The following JAK2 variants were observed in gnomAD, a reference collection of about 807,000 sequenced individuals.
JAK2 encodes Janus kinase 2, also known as tyrosine-protein kinase JAK2.
JAK2 carries 86 observed loss-of-function variants against 139.3 expected under a neutral mutation model. That is an observed-to-expected ratio of 0.62 (90% confidence interval 0.52 to 0.74). The LOEUF (loss-of-function observed/expected upper bound fraction) is 0.74. Ranked by LOEUF, JAK2 falls within the 30% of genes least tolerant of loss-of-function variation. JAK2 has a pLI of 0.00. For synonymous variants in JAK2, 490 were observed against 437.7 expected (o/e 1.12, Z -1.49); for missense variants, 1,421 against 1,360.3 (o/e 1.04, Z -0.70).
At chr9:5,103,220 G>GAA (rs1821661603) in intron 22 of JAK2, among the ~76,000 whole-genome samples, 1 of 6,906 alleles carries the variant, frequency 1.4e-4, no homozygotes. Context: ...CAAAGGGAAA[G>GAA]CAAAAAAAAA....
Position 5,059,014 on chromosome 9 carries a change from G to A in JAK2, c.1056+3226G>A, listed in dbSNP as rs1188005837. Among the ~76,000 whole-genome samples, 14 of 152,010 alleles carry A rather than the reference G, an allele frequency of 9.2e-5. No individual in the cohort carries two copies. In the East Asian group the frequency reaches 1.7e-3, roughly 19 times the overall value. ...CTATGTTGCTTGTGTCCTTTGATGC[G>A]CAGATGTTTTAAAGTTTTAGCTAGT... is the stretch of plus-strand genomic sequence containing the variant. On this transcript the variant is annotated intron_variant, in intron 8 of 24. Coordinates refer to ENST00000381652, the MANE Select transcript of JAK2 (RefSeq NM_004972.4).
At chr9:5,114,585 A>G (rs1024794570) in intron 22 of JAK2, 18 of 491,548 alleles carry the variant, frequency 3.7e-5, no homozygotes, top group Non-Finnish European at 5.6e-5. Flanking sequence ...GCCCAAGGAC[A>G]TCTTGGTGCA....
chr9:5,068,189 A>C (rs982509966), intron 10 of JAK2, among the ~76,000 whole-genome samples: 15 of 146,862 alleles, frequency 1.0e-4, no homozygotes, highest in Non-Finnish European at 3.0e-5. Context: ...AAAAAAAAAA[A>C]CAAGAAAGGT....
At chr9:5,012,535 A>C (rs1455499260) in intron 2 of JAK2, among the ~76,000 whole-genome samples, 1 of 152,130 alleles carries the variant, frequency 6.6e-6, no homozygotes, top group Non-Finnish European at 1.5e-5. Flanking sequence ...GATTTTTCTG[A>C]ACTTCTCATT....
rs80215348 is a variant in JAK2 at position 5,071,508 on chromosome 9, A to G, written c.1642-984A>G. ...GGAAAAAGGCATAGAAATGATAAAT[A>G]TCCTCATTGACATTAAAACAGAATA... On this transcript the variant is annotated intron_variant, in intron 12 of 24. Transcript: ENST00000381652. Among the ~76,000 whole-genome samples the G allele has an allele frequency of 6.0e-3, 918 of 152,344 alleles. 39 individuals carry two copies. The highest frequency in any genetic ancestry group is 0.045 in the Admixed American group (686 of 15,300).
At chr9:5,038,930 G>A (rs1816286564) in intron 4 of JAK2, among the ~76,000 whole-genome samples, 1 of 151,898 alleles carries the variant, frequency 6.6e-6, no homozygotes, top group East Asian at 1.9e-4. Flanking sequence ...AAGAGACACA[G>A]AAAAAGTATT....
At chr9:5,006,468 T>C (rs1821308899) in intron 2 of JAK2, among the ~76,000 whole-genome samples, 1 of 152,232 alleles carries the variant, frequency 6.6e-6, no homozygotes, top group African/African-American at 2.4e-5. Flanking sequence ...TGTTCTCATA[T>C]TGCTATAAAG....
At chr9:5,062,688 A>G (rs563970942) in intron 8 of JAK2, among the ~76,000 whole-genome samples, 2 of 152,230 alleles carry the variant, frequency 1.3e-5, no homozygotes, top group African/African-American at 2.4e-5. Context: ...AGGTGTTTCC[A>G]ATGTATCTGT....
At chr9:5,065,426 T>G (rs1396502739) in intron 9 of JAK2, among the ~76,000 whole-genome samples, 1 of 152,142 alleles carries the variant, frequency 6.6e-6, no homozygotes, top group East Asian at 1.9e-4. Context: ...TACTGAAAGG[T>G]TCAAACACAA....
chr9:4,988,658 GTTTATAACTTCTGCCCAGTTCTTTCAT>G (rs1297028841), intron 2 of JAK2, among the ~76,000 whole-genome samples: 1 of 152,094 alleles, frequency 6.6e-6, no homozygotes, highest in African/African-American at 2.4e-5. Flanking sequence ...TATGTAATAT[GTTTATAACTTCTGCCCAGTTCTTTCAT>G]TTTAAAACTA....
Position 5,069,915 on chromosome 9 carries a change from A to AT in JAK2, c.1514-4dup. The AT allele has an allele frequency of 6.4e-7, 1 of 1,564,198 alleles. No individual in the cohort carries two copies. Among genetic ancestry groups the AT allele is most frequent in the Non-Finnish European group, 8.7e-7 (1 of 1,145,120 alleles). On this transcript the variant is annotated splice_polypyrimidine_tract_variant and intron_variant, in intron 11 of 24. Coordinates refer to ENST00000381652, the MANE Select transcript of JAK2 (RefSeq NM_004972.4). ...TTTTGAAGTGATATATATGTATTTT[A>AT]TTTTTTCAGATAAATCAAACCTTCT...
At chr9:5,002,911 C>G (rs10120763) in intron 2 of JAK2, among the ~76,000 whole-genome samples, 38,791 of 151,582 alleles carry the variant, frequency 0.26, 5,152 homozygotes, top group South Asian at 0.31. Context: ...ATTTGTGTAC[C>G]GTATGAAGTA....
intron 19 of JAK2, chr9:5,085,474 C>A: frequency 1.4e-6 from 1 of 723,346 alleles, no homozygotes; most frequent in East Asian, 2.7e-5. Flanking sequence ...TTGTGCAAAT[C>A]TCTCATGCTC....
intron 6 of JAK2, 140 bp downstream of exon 6, chr9:5,050,971 A>C: frequency 1.3e-6 from 1 of 770,616 alleles, no homozygotes; most frequent in Non-Finnish European, 2.1e-6. Flanking sequence ...TTGGAATCAG[A>C]AATGCTTCAG....
intron 2 of JAK2, among the ~76,000 whole-genome samples, chr9:5,013,660 T>C (rs1243907472): frequency 6.6e-6 from 1 of 152,202 alleles, no homozygotes. Flanking sequence ...TTGTCAAAAT[T>C]CTATTTTCCT....
intron 22 of JAK2, among the ~76,000 whole-genome samples, chr9:5,122,414 A>C (rs1463546066): frequency 6.6e-6 from 1 of 152,024 alleles, no homozygotes; most frequent in Non-Finnish European, 1.5e-5. Flanking sequence ...CCTTGGAACC[A>C]ATTTTTTTCT....
chr9:5,068,988 AT>A, intron 10 of JAK2, 33 bp from the exon 11 acceptor site: 1 of 1,241,626 alleles, frequency 8.1e-7, no homozygotes, highest in Non-Finnish European at 1.1e-6. Context: ...CATTGTGACT[AT>A]CCCTCCCTTT....
chr9:5,007,725 C>CTT (rs113969875), intron 2 of JAK2, among the ~76,000 whole-genome samples: 1 of 144,568 alleles, frequency 6.9e-6, no homozygotes, highest in Admixed American at 6.9e-5. Flanking sequence ...ATTATATTGT[C>CTT]TTTTTTTTTT....
At chr9:5,015,673 C>G (rs187350945) in intron 2 of JAK2, among the ~76,000 whole-genome samples, 1 of 151,774 alleles carries the variant, frequency 6.6e-6, no homozygotes, top group Admixed American at 6.6e-5. Context: ...TCGTCATGTA[C>G]TTCCAGGAAA....
Sources: allele counts gnomAD v4.1 joint callset (sites outside exome capture counted in the v4.1 genomes callset), GRCh38; gene constraint gnomAD v4.1.1; transcripts MANE v1.5; gene names NCBI Gene and HGNC (gene_info 2026-07-23, HGNC 2026-07-21).